NEXMIF: variants seen among roughly 807,000 people sequenced by gnomAD.
NEXMIF encodes the protein neurite extension and migration factor.
A neutral mutation model predicts 62.1 loss-of-function variants in NEXMIF; 8 were observed. The observed-to-expected ratio is 0.13, with a 90% confidence interval of 0.08 to 0.23. The LOEUF is 0.23. NEXMIF is among the 10% of genes least tolerant of loss of function. The pLI is 1.00. For missense variants in NEXMIF, 976 were observed against 1,113.3 expected, an observed-to-expected ratio of 0.88 and a Z score of 1.75; for synonymous variants, 404 against 416.6, an observed-to-expected ratio of 0.97 and a Z score of 0.37.
chrX:74,873,598 G>T (rs1419264116), intron 1 of NEXMIF, among the ~76,000 whole-genome samples: 1 of 111,635 alleles, frequency 9.0e-6, no homozygotes, highest in South Asian at 3.7e-4. Context: ...CTAGTTTACA[G>T]TCCCACCAAC....
intron 1 of NEXMIF, among the ~76,000 whole-genome samples, chrX:74,876,262 C>G (rs2080632794): frequency 9.0e-6 from 1 of 111,407 alleles, no homozygotes; most frequent in South Asian, 3.8e-4. Flanking sequence ...AGTAGTCATT[C>G]AGGAGCAGGT....
chrX:74,793,712 T>A (rs1388864458), intron 1 of NEXMIF, among the ~76,000 whole-genome samples: 5 of 97,811 alleles, frequency 5.1e-5, no homozygotes, highest in African/African-American at 1.9e-4. Context: ...CCTTCTCGCT[T>A]CATTTCATTC....
chrX:74,881,403 C>CACACACACAT (rs1392283383), intron 1 of NEXMIF, among the ~76,000 whole-genome samples: 1 of 101,128 alleles, frequency 9.9e-6, no homozygotes, highest in Non-Finnish European at 1.9e-5. Flanking sequence ...CACACACACA[C>CACACACACAT]ACACACACAC....
At chrX:74,803,853 C>T (rs1370687921) in intron 1 of NEXMIF, among the ~76,000 whole-genome samples, 1 of 110,628 alleles carries the variant, frequency 9.0e-6, no homozygotes, top group African/African-American at 3.3e-5. Flanking sequence ...ACTTTCCAGA[C>T]AAACAAAAGC....
At chrX:74,752,036 A>T (rs1166149454) in intron 1 of NEXMIF, among the ~76,000 whole-genome samples, 1 of 110,678 alleles carries the variant, frequency 9.0e-6, no homozygotes, top group Non-Finnish European at 1.9e-5. Context: ...GGAACTTGTG[A>T]CCTCAGGTGA....
At position 74,741,155 on chromosome X, in the gene NEXMIF, G is replaced by T. The variant is rs138632224; in HGVS notation, c.3402C>A (p.His1134Gln). Residue 1134 changes from histidine (H) to glutamine (Q), a missense_variant, in exon 3 of 4, where the codon CAC becomes CAA. His to Gln is a conservative substitution (Grantham distance 24, BLOSUM62 0). Transcript: ENST00000055682. ...CATTGAACATATGGAACTGAAACTGGTGATTATTTAAAGTAAATCCATCCT... is the reference window on the plus strand; with the variant it reads ...CATTGAACATATGGAACTGAAACTGTTGATTATTTAAAGTAAATCCATCCT... ...QMEDGFTLNN[H>Q]QFQFHMFNDE... The T allele has an allele frequency of 1.7e-4, 208 of 1,208,705 alleles. No individual in the cohort carries two copies. Among genetic ancestry groups the T allele is most frequent in the Non-Finnish European group, 2.3e-4 (204 of 894,397 alleles).
chrX:74,741,570 A>T lies in NEXMIF; in HGVS notation c.2987T>A (p.Met996Lys). The change falls in exon 3 of 4, where the codon ATG (methionine) becomes AAG (lysine). Residue 996 changes from methionine (M) to lysine (K), a missense_variant. Coordinates refer to ENST00000055682, the MANE Select transcript of NEXMIF (RefSeq NM_001008537.3). ...ACTTGAGCTGACAGAGAGTGGGGCC[A>T]TTGAATCAAAGCTAAAGAGCCGACC... ...DDGRLFSFDS[M>K]APLSVSSSNY... The T allele has an allele frequency of 8.3e-7, 1 of 1,211,843 alleles. No homozygotes were observed. Among genetic ancestry groups the T allele is most frequent in the South Asian group, 1.8e-5 (1 of 56,978 alleles).
intron 1 of NEXMIF, among the ~76,000 whole-genome samples, chrX:74,803,555 G>A (rs2080336212): frequency 9.2e-6 from 1 of 109,287 alleles, no homozygotes; most frequent in South Asian, 3.9e-4. Flanking sequence ...GCAACAGAGC[G>A]AGACTCTGTC....
intron 1 of NEXMIF, among the ~76,000 whole-genome samples, chrX:74,781,995 A>G (rs774249341): frequency 5.3e-5 from 6 of 112,427 alleles, no homozygotes; most frequent in Non-Finnish European, 9.4e-5. Flanking sequence ...AGTCCTCACA[A>G]TATAGGGAAC....
chrX:74,871,405 T>A (rs2080600390), intron 1 of NEXMIF, among the ~76,000 whole-genome samples: 1 of 111,475 alleles, frequency 9.0e-6, no homozygotes, highest in Non-Finnish European at 1.9e-5. Context: ...GAATTACTGA[T>A]GAAGGTCTGT....
rs185517401 is a variant in NEXMIF at position 74,819,744 on chromosome X, G to A, written c.-47-74047C>T. On this transcript the variant is annotated intron_variant, in intron 1 of 3. Coordinates refer to ENST00000055682, the MANE Select transcript of NEXMIF (RefSeq NM_001008537.3). ...ATGCTTTTACACTGTTGGTGGGAGT[G>A]TAAATTAGTTCAACCATTCTGGAAG... is the stretch of plus-strand genomic sequence containing the variant. Among the ~76,000 whole-genome samples, 20 of 111,952 alleles carry A rather than the reference G, an allele frequency of 1.8e-4. No individual in the cohort carries two copies. The East Asian group carries it at 5.7e-3, about 32-fold the overall frequency.
intron 1 of NEXMIF, among the ~76,000 whole-genome samples, chrX:74,825,640 C>T (rs771147843): frequency 1.8e-5 from 2 of 112,139 alleles, no homozygotes; most frequent in Non-Finnish European, 3.8e-5. Context: ...TTGCAACCTT[C>T]ACCTCCCAGG....
intron 1 of NEXMIF, among the ~76,000 whole-genome samples, chrX:74,836,011 T>A (rs758657592): frequency 4.5e-4 from 51 of 112,835 alleles, no homozygotes; most frequent in African/African-American, 1.6e-3. Context: ...TTTCCCACTC[T>A]TTCTTCTTCT....
At chrX:74,854,536 C>T (rs1188797897) in intron 1 of NEXMIF, among the ~76,000 whole-genome samples, 1 of 111,782 alleles carries the variant, frequency 8.9e-6, no homozygotes, top group South Asian at 3.8e-4. Context: ...TGCCCACTTT[C>T]ACCACTCACC....
Position 74,802,181 on chromosome X carries a change from T to C in NEXMIF, c.-47-56484A>G, listed in dbSNP as rs188243840. ...CACAGGCCTGGGTGCTTTTGCCACATATTGATTGTGGAGTCCCAGGTACTC... is the reference window on the plus strand; with the variant it reads ...CACAGGCCTGGGTGCTTTTGCCACACATTGATTGTGGAGTCCCAGGTACTC... On this transcript the variant is annotated intron_variant, in intron 1 of 3. Coordinates refer to ENST00000055682, the MANE Select transcript of NEXMIF (RefSeq NM_001008537.3). 1.9e-3 allele frequency among the ~76,000 whole-genome samples: 212 copies of C among 111,405 alleles called. 1 individual carries two copies. Among genetic ancestry groups the C allele is most frequent in the African/African-American group, 6.5e-3 (199 of 30,704 alleles).
At chrX:74,815,537 C>T (rs1375872507) in intron 1 of NEXMIF, among the ~76,000 whole-genome samples, 1 of 111,398 alleles carries the variant, frequency 9.0e-6, no homozygotes, top group Non-Finnish European at 1.9e-5. Flanking sequence ...TCCACATATT[C>T]TCATTCCCCT....
intron 1 of NEXMIF, among the ~76,000 whole-genome samples, chrX:74,892,868 C>A (rs1485757644): frequency 8.9e-6 from 1 of 112,096 alleles, no homozygotes; most frequent in African/African-American, 3.2e-5. Context: ...AATTTACTTT[C>A]TTTCTACGAA....
At chrX:74,908,709 C>G (rs771342220) in intron 1 of NEXMIF, among the ~76,000 whole-genome samples, 1 of 112,747 alleles carries the variant, frequency 8.9e-6, no homozygotes, top group Non-Finnish European at 1.9e-5. Context: ...CACACACACA[C>G]AACCACCCAC....
At chrX:74,917,822 T>C (rs2080812991) in intron 1 of NEXMIF, among the ~76,000 whole-genome samples, 1 of 111,711 alleles carries the variant, frequency 9.0e-6, no homozygotes, top group Non-Finnish European at 1.9e-5. Flanking sequence ...ATATATTTTA[T>C]ATATTAATGA....
Sources: gnomAD v4.1 joint callset for allele counts (sites outside exome capture counted in the v4.1 genomes callset) on GRCh38, gnomAD v4.1.1 for gene constraint, MANE v1.5 for transcripts, NCBI Gene and HGNC (gene_info 2026-07-23, HGNC 2026-07-21) for gene names.